Variants in KLRG1 observed in about 807,000 individuals in gnomAD.
KLRG1 encodes killer cell lectin like receptor G1.
KLRG1 carries 16 observed loss-of-function variants against 21.8 expected under a neutral mutation model. That is an observed-to-expected ratio of 0.73 (90% CI 0.50 to 1.11). The LOEUF is 1.11. KLRG1 is among the 50% of genes most tolerant of loss of function. The probability of loss-of-function intolerance (pLI) is 0.00; values close to 1 mark genes in which losing one functional copy is unlikely to be tolerated. For synonymous variants in KLRG1, 69 were observed against 75.9 expected (o/e 0.91, Z 0.47); for missense variants, 173 against 218.3 (o/e 0.79, Z 1.31).
the KLRG1 span, chr12:9,200,859 T>C: frequency 1.3e-6 from 2 of 1,587,140 alleles, no homozygotes; most frequent in Non-Finnish European, 8.6e-7. Flanking sequence ...GGAACCAAAA[T>C]GTTATGCCTT....
At chr12:8,953,996 G>A (rs1302143861) in intron 1 of KLRG1, among the ~76,000 whole-genome samples, 1 of 152,130 alleles carries the variant, frequency 6.6e-6, no homozygotes. Flanking sequence ...GTTGCGGGAG[G>A]GTGTGGGCCT....
intron 3 of KLRG1, among the ~76,000 whole-genome samples, chr12:9,001,308 A>T (rs1947299546): frequency 6.6e-6 from 1 of 152,186 alleles, no homozygotes. Context: ...CTGAAGAAAA[A>T]CATATTAATG....
chr12:9,009,110 A>C (rs757996276), intron 4 of KLRG1, 35 bp downstream of exon 4: 11 of 1,531,584 alleles, frequency 7.2e-6, no homozygotes, highest in Non-Finnish European at 8.1e-6. Context: ...AAAAAGAGAG[A>C]GAGGAAAAAG....
chr12:8,998,464 G>A (rs1054092557), intron 3 of KLRG1, among the ~76,000 whole-genome samples: 1 of 152,122 alleles, frequency 6.6e-6, no homozygotes, highest in Non-Finnish European at 1.5e-5. Flanking sequence ...CATGGCAGGT[G>A]GATTGCTTGA....
chr12:8,997,170 A>C (rs140024713), intron 3 of KLRG1, among the ~76,000 whole-genome samples: 4 of 152,318 alleles, frequency 2.6e-5, no homozygotes, highest in African/African-American at 7.2e-5. Flanking sequence ...GCAGAGTTAC[A>C]TTCACTGCAT....
the KLRG1 span, among the ~76,000 whole-genome samples, chr12:9,055,251 A>G: frequency 2.6e-5 from 4 of 152,246 alleles, no homozygotes; most frequent in Non-Finnish European, 1.5e-5. Context: ...CGGAGCTTCT[A>G]TCTAGACAGG....
At chr12:9,016,935 G>A in the KLRG1 span, among the ~76,000 whole-genome samples, 1 of 151,994 alleles carries the variant, frequency 6.6e-6, no homozygotes, top group Non-Finnish European at 1.5e-5. Flanking sequence ...TTAAAAAATA[G>A]AAAAGGAGGG....
chr12:9,159,292 C>T, the KLRG1 span, among the ~76,000 whole-genome samples: 1 of 152,138 alleles, frequency 6.6e-6, no homozygotes, highest in South Asian at 2.1e-4. Context: ...AATTTTGCCA[C>T]TTATTAGATG....
At chr12:9,085,929 A>AC in the KLRG1 span, among the ~76,000 whole-genome samples, 1 of 152,202 alleles carries the variant, frequency 6.6e-6, no homozygotes, top group African/African-American at 2.4e-5. Flanking sequence ...TATACATACT[A>AC]CCAAGACTGA....
chr12:9,164,555 C>G, the KLRG1 span, among the ~76,000 whole-genome samples: 1 of 152,198 alleles, frequency 6.6e-6, no homozygotes, highest in East Asian at 1.9e-4. Context: ...GGAATACTAT[C>G]TGCTGCTATG....
chr12:9,178,840 C>G, the KLRG1 span, among the ~76,000 whole-genome samples: 1 of 152,184 alleles, frequency 6.6e-6, no homozygotes, highest in Admixed American at 6.5e-5. Flanking sequence ...AGTGGATATG[C>G]TCCAACCTGA....
At chr12:8,988,209 C>T (rs1946877332), upstream of KLRG1, 1 of 152,262 alleles carries the variant, frequency 6.6e-6, no homozygotes, top group South Asian at 2.1e-4. Context: ...CCAATATCTG[C>T]CTCCTCATTT....
chr12:9,150,581 A>C, the KLRG1 span: 1 of 1,092,740 alleles, frequency 9.2e-7, no homozygotes, highest in Non-Finnish European at 1.4e-6. Flanking sequence ...AAGAGGATCA[A>C]CTGTCACAAC....
At chr12:8,968,046 G>A (rs1356449519) in intron 1 of KLRG1, among the ~76,000 whole-genome samples, 1 of 151,878 alleles carries the variant, frequency 6.6e-6, no homozygotes, top group East Asian at 1.9e-4. Context: ...TAATAAAGTA[G>A]AATCATGAAA....
the KLRG1 span, among the ~76,000 whole-genome samples, chr12:9,033,070 C>CAG: frequency 6.6e-6 from 1 of 152,160 alleles, no homozygotes; most frequent in African/African-American, 2.4e-5. Flanking sequence ...TTTGCCTGTG[C>CAG]AGAGGGCAGG....
chr12:9,077,937 G>T, the KLRG1 span: 29 of 1,556,460 alleles, frequency 1.9e-5, no homozygotes, highest in Non-Finnish European at 2.4e-5. Context: ...GGCTTCATAT[G>T]ATGTGAGTTA....
the KLRG1 span, among the ~76,000 whole-genome samples, chr12:9,026,525 G>A: frequency 3.3e-5 from 5 of 152,118 alleles, no homozygotes; most frequent in Non-Finnish European, 7.4e-5. Flanking sequence ...TACTATTTTT[G>A]TGGGGGAAGA....
At chr12:9,115,651 A>T in the KLRG1 span, 2 of 767,460 alleles carry the variant, frequency 2.6e-6, no homozygotes, top group African/African-American at 1.8e-5. Context: ...AAGGAATCTT[A>T]GAGATAAGAA....
chr12:9,203,747 A>G, the KLRG1 span: 1 of 1,613,548 alleles, frequency 6.2e-7, no homozygotes, highest in Admixed American at 1.7e-5. Flanking sequence ...AGGGATAGCC[A>G]GCTGGCACCG....
Sources: allele counts gnomAD v4.1 joint callset (sites outside exome capture counted in the v4.1 genomes callset), GRCh38; gene constraint gnomAD v4.1.1; transcripts MANE v1.5; gene names NCBI Gene and HGNC (gene_info 2026-07-23, HGNC 2026-07-21).